Variants in MSH4 observed in about 807,000 individuals in gnomAD.
MSH4 encodes the protein mutS protein homolog 4.
MSH4 carries 106 observed loss-of-function variants against 113.7 expected under a neutral mutation model. That is an observed-to-expected ratio of 0.93 (90% CI 0.80 to 1.10). The LOEUF (loss-of-function observed/expected upper bound fraction) is 1.10, where lower values mean the gene tolerates loss of function less well. Among genes scored for constraint, MSH4 ranks in the 50% least tolerant of loss-of-function variants. The pLI is 0.00. For synonymous variants in MSH4, 368 were observed against 380.2 expected (o/e 0.97, Z 0.37); for missense variants, 1,061 against 1,093.7 (o/e 0.97, Z 0.42).
At chr1:75,876,813 A>G (rs1357112696) in intron 9 of MSH4, 123 bp from the exon 10 acceptor site, 3 of 450,874 alleles carry the variant, frequency 6.7e-6, no homozygotes, top group African/African-American at 2.0e-5. Context: ...TTTTATGAGT[A>G]TATAAATGAG....
chr1:75,834,968 C>CT (rs1650797326), intron 7 of MSH4, among the ~76,000 whole-genome samples: 1 of 152,142 alleles, frequency 6.6e-6, no homozygotes, highest in Admixed American at 6.6e-5. Context: ...AGAAAGTTGC[C>CT]TTTGCAACCT....
rs150921165 is a variant in MSH4 at position 75,872,298 on chromosome 1, G to A, written c.1306-4638G>A. Among the ~76,000 whole-genome samples, 275 of 152,126 alleles carry A rather than the reference G, an allele frequency of 1.8e-3. 1 individual carries two copies. Among genetic ancestry groups the A allele is most frequent in the African/African-American group, 6.2e-3 (256 of 41,522 alleles). On this transcript the variant is annotated intron_variant, in intron 9 of 19. Transcript: ENST00000263187. ...GACTGATGTGCATTACTGTTTTTTT[G>A]CTTATTGCCTGCTTTGTCTAGTGGT...
chr1:75,837,900 T>A (rs780048162), intron 7 of MSH4, among the ~76,000 whole-genome samples: 1 of 152,148 alleles, frequency 6.6e-6, no homozygotes, highest in Non-Finnish European at 1.5e-5. Flanking sequence ...GATACCTTAA[T>A]TCTCTCATCT....
At chr1:75,880,207 A>G in intron 13 of MSH4, 54 bp downstream of exon 13, 5 of 932,602 alleles carry the variant, frequency 5.4e-6, no homozygotes, top group African/African-American at 1.7e-5. Flanking sequence ...AATTTGAGAA[A>G]CTGTTACAAT....
At position 75,797,236 on chromosome 1, in the gene MSH4, A is replaced by G; in HGVS notation, c.244+7A>G. On this transcript the variant is annotated splice_region_variant and intron_variant, in intron 1 of 19. Transcript: ENST00000263187. ...AACTCCCGGCCAGCTCAAGGCAAGG[A>G]GTGATTGGGTGGAGGAGTCTCCTTG... The G allele has an allele frequency of 6.2e-7, 1 of 1,600,576 alleles. No individual in the cohort carries two copies. Among genetic ancestry groups the G allele is most frequent in the Non-Finnish European group, 8.5e-7 (1 of 1,174,114 alleles).
At chr1:75,840,179 A>G (rs1441855654) in intron 7 of MSH4, among the ~76,000 whole-genome samples, 1 of 149,128 alleles carries the variant, frequency 6.7e-6, no homozygotes, top group Non-Finnish European at 1.5e-5. Flanking sequence ...GTATATACCC[A>G]AAGGACTATA....
At chr1:75,821,463 A>C (rs1443866967) in intron 6 of MSH4, among the ~76,000 whole-genome samples, 1 of 152,038 alleles carries the variant, frequency 6.6e-6, no homozygotes, top group Non-Finnish European at 1.5e-5. Context: ...GGAAAGATCT[A>C]AAATTGACAC....
chr1:75,877,952 T>C (rs982277471), intron 10 of MSH4, among the ~76,000 whole-genome samples, 197 bp from the exon 11 acceptor site: 2 of 152,158 alleles, frequency 1.3e-5, no homozygotes, highest in African/African-American at 4.8e-5. Context: ...TTTAGACTAG[T>C]CCTGACTGAT....
chr1:75,843,489 G>A (rs1209876650), intron 7 of MSH4, among the ~76,000 whole-genome samples: 2 of 152,048 alleles, frequency 1.3e-5, no homozygotes, highest in Non-Finnish European at 2.9e-5. Context: ...ATATATTTTG[G>A]GGTTAAATAT....
intron 12 of MSH4, among the ~76,000 whole-genome samples, chr1:75,879,388 C>T (rs998750933): frequency 6.6e-6 from 1 of 152,150 alleles, no homozygotes. Context: ...CATCCAAAAG[C>T]TGTTTATGAT....
intron 19 of MSH4, among the ~76,000 whole-genome samples, chr1:75,901,800 C>G (rs1652510667): frequency 6.6e-6 from 1 of 152,076 alleles, no homozygotes; most frequent in Non-Finnish European, 1.5e-5. Context: ...TCCCCTTTCT[C>G]TATCCTCACC....
intron 9 of MSH4, among the ~76,000 whole-genome samples, chr1:75,869,319 TA>T (rs1379651494): frequency 1.3e-5 from 2 of 152,104 alleles, no homozygotes; most frequent in African/African-American, 4.8e-5. Flanking sequence ...AAGCAGAGTA[TA>T]AAAGTTTGGA....
At chr1:75,906,269 T>C (rs943939514) in intron 19 of MSH4, among the ~76,000 whole-genome samples, 2 of 150,370 alleles carry the variant, frequency 1.3e-5, no homozygotes, top group Admixed American at 6.7e-5. Context: ...TTATGTCTTT[T>C]AATTGGAGAA....
chr1:75,832,204 CGGAG>C (rs1650710841), intron 7 of MSH4, among the ~76,000 whole-genome samples: 1 of 152,116 alleles, frequency 6.6e-6, no homozygotes, highest in Non-Finnish European at 1.5e-5. Context: ...GATAAATTCC[CGGAG>C]ACATACACCC....
chr1:75,826,072 C>A (rs548500142), intron 7 of MSH4, among the ~76,000 whole-genome samples: 2 of 151,382 alleles, frequency 1.3e-5, no homozygotes, highest in Non-Finnish European at 2.9e-5. Flanking sequence ...TGGTAGAATT[C>A]GGCTGTGAAT....
At chr1:75,853,212 C>T (rs1651228746) in intron 8 of MSH4, among the ~76,000 whole-genome samples, 1 of 151,906 alleles carries the variant, frequency 6.6e-6, no homozygotes, top group African/African-American at 2.4e-5. Flanking sequence ...TTACAGGCAC[C>T]CGCCACCATG....
At chr1:75,822,322 A>C (rs1650438256) in intron 6 of MSH4, 87 bp from the exon 7 acceptor site, 1 of 739,592 alleles carries the variant, frequency 1.4e-6, no homozygotes, top group Non-Finnish European at 2.2e-6. Context: ...ATTGCTGTAG[A>C]TTATAGGATT....
intron 19 of MSH4, among the ~76,000 whole-genome samples, chr1:75,903,257 A>G (rs374231343): frequency 2.0e-5 from 3 of 151,896 alleles, no homozygotes; most frequent in South Asian, 2.1e-4. Context: ...TCATTCTTCT[A>G]TATATAGTTA....
At chr1:75,817,660 C>G (rs527683400) in intron 6 of MSH4, among the ~76,000 whole-genome samples, 1 of 152,160 alleles carries the variant, frequency 6.6e-6, no homozygotes, top group Non-Finnish European at 1.5e-5. Flanking sequence ...GGATATTCTA[C>G]GTACTGAACT....
Sources: gnomAD v4.1 joint callset for allele counts (sites outside exome capture counted in the v4.1 genomes callset) on GRCh38, gnomAD v4.1.1 for gene constraint, MANE v1.5 for transcripts, NCBI Gene and HGNC (gene_info 2026-07-23, HGNC 2026-07-21) for gene names.